FRYL: variants seen among roughly 807,000 people sequenced by gnomAD.
FRYL encodes protein furry homolog-like.
FRYL carries 150 observed loss-of-function variants against 351.2 expected under a neutral mutation model. The ratio of observed to expected loss-of-function variants is 0.43; its 90% CI spans 0.37 to 0.49. The LOEUF is 0.49. FRYL is among the 20% of genes least tolerant of loss of function. The pLI is 0.00. For missense variants in FRYL, 3,036 were observed against 3,619.3 expected (o/e 0.84, Z 4.13); for synonymous variants, 1,153 against 1,257.1 (o/e 0.92, Z 1.75).
chr4:48,717,197 C>T (rs1202718870), intron 1 of FRYL, among the ~76,000 whole-genome samples: 6 of 150,718 alleles, frequency 4.0e-5, no homozygotes, highest in Admixed American at 6.7e-5. Context: ...GGGTGCAGTG[C>T]ACCAGCATGG....
At chr4:48,664,299 C>A (rs1235358553) in intron 3 of FRYL, among the ~76,000 whole-genome samples, 1 of 152,102 alleles carries the variant, frequency 6.6e-6, no homozygotes, top group Admixed American at 6.5e-5. Flanking sequence ...AGGGGACTTG[C>A]AGAGGACACA....
intron 1 of FRYL, among the ~76,000 whole-genome samples, chr4:48,725,572 G>A (rs892984439): frequency 6.6e-6 from 1 of 152,128 alleles, no homozygotes; most frequent in African/African-American, 2.4e-5. Context: ...GAAATGTCAC[G>A]CTGTCCTGCT....
At chr4:48,557,252 A>C (rs1162905657) in intron 34 of FRYL, 134 bp from the exon 35 acceptor site, 8 of 1,228,852 alleles carry the variant, frequency 6.5e-6, no homozygotes, top group African/African-American at 1.5e-5. Flanking sequence ...CAGAAACAAT[A>C]ATTTCTTCCA....
intron 1 of FRYL, among the ~76,000 whole-genome samples, chr4:48,745,744 A>AATG (rs1772604825): frequency 6.6e-6 from 1 of 152,236 alleles, no homozygotes; most frequent in East Asian, 1.9e-4. Context: ...CTAGAACTTA[A>AATG]ATAATAATAA....
chr4:48,671,584 T>C (rs1487743974), intron 3 of FRYL, among the ~76,000 whole-genome samples: 1 of 152,050 alleles, frequency 6.6e-6, no homozygotes, highest in Non-Finnish European at 1.5e-5. Flanking sequence ...GGAGAATCGC[T>C]TGAACCCGGG....
intron 17 of FRYL, among the ~76,000 whole-genome samples, chr4:48,590,103 G>C (rs894366828): frequency 8.5e-5 from 13 of 152,152 alleles, no homozygotes; most frequent in African/African-American, 2.9e-4. Flanking sequence ...TTGAAGAAAG[G>C]ACAGAATGCA....
intron 1 of FRYL, among the ~76,000 whole-genome samples, chr4:48,743,737 C>A (rs1772371272): frequency 6.6e-6 from 1 of 152,150 alleles, no homozygotes; most frequent in East Asian, 1.9e-4. Context: ...GCAGATTACT[C>A]TCCAAAAGGG....
chr4:48,499,830 T>C (rs117996253), intron 63 of FRYL, 150 bp from the exon 64 acceptor site: 12 of 840,472 alleles, frequency 1.4e-5, no homozygotes, highest in African/African-American at 3.4e-5. Flanking sequence ...AAGTACCACC[T>C]GAATTCACTT....
intron 3 of FRYL, among the ~76,000 whole-genome samples, chr4:48,668,386 TAA>T (rs1226517947): frequency 5.7e-5 from 7 of 122,810 alleles, no homozygotes; most frequent in Non-Finnish European, 5.3e-5. Context: ...CTCAAAAAAT[TAA>T]AAAAAAAAAA....
At chr4:48,707,580 C>CAAA (rs1443044540) in intron 2 of FRYL, among the ~76,000 whole-genome samples, 4 of 150,924 alleles carry the variant, frequency 2.7e-5, no homozygotes, top group Non-Finnish European at 5.9e-5. Flanking sequence ...ATAAATAAGA[C>CAAA]AAAAAGTTTA....
At chr4:48,779,706 C>A (rs1776444572) in intron 1 of FRYL, among the ~76,000 whole-genome samples, 2 of 151,794 alleles carry the variant, frequency 1.3e-5, no homozygotes, top group Non-Finnish European at 2.9e-5. Flanking sequence ...GCAGGACGCG[C>A]GAGAAGGCGG....
intron 42 of FRYL, among the ~76,000 whole-genome samples, chr4:48,545,756 A>G (rs915953623): frequency 1.3e-5 from 2 of 152,174 alleles, no homozygotes; most frequent in African/African-American, 4.8e-5. Context: ...TGTCTTGCAA[A>G]GAGTAGACCA....
At chr4:48,505,403 C>A (rs1720684631) in intron 60 of FRYL, 144 bp downstream of exon 60, 36 of 604,252 alleles carry the variant, frequency 6.0e-5, no homozygotes, top group East Asian at 9.6e-5. Flanking sequence ...TGAGCTTTTA[C>A]AAAGATTGTT....
intron 50 of FRYL, among the ~76,000 whole-genome samples, chr4:48,529,177 A>T (rs1261774859): frequency 1.3e-5 from 2 of 152,158 alleles, no homozygotes; most frequent in African/African-American, 2.4e-5. Flanking sequence ...TCATCTTTTA[A>T]TGATGACTCC....
chr4:48,730,496 A>T (rs958423894), intron 1 of FRYL, among the ~76,000 whole-genome samples: 1 of 152,200 alleles, frequency 6.6e-6, no homozygotes, highest in African/African-American at 2.4e-5. Context: ...AGGCTGGGTT[A>T]CCCACAAAAG....
chr4:48,753,543 A>G (rs1773468119), intron 1 of FRYL, among the ~76,000 whole-genome samples: 1 of 152,114 alleles, frequency 6.6e-6, no homozygotes, highest in Non-Finnish European at 1.5e-5. Flanking sequence ...TCTCGGTACA[A>G]GTCCCTTATT....
intron 23 of FRYL, among the ~76,000 whole-genome samples, chr4:48,577,321 GA>G (rs1739836353): frequency 6.6e-6 from 1 of 152,122 alleles, no homozygotes. Context: ...AGAGCAAAAC[GA>G]AAGAGGAAAA....
chr4:48,735,128 AAAAC>A (rs1408229251), intron 1 of FRYL, among the ~76,000 whole-genome samples: 1 of 97,362 alleles, frequency 1.0e-5, no homozygotes, highest in African/African-American at 4.0e-5. Flanking sequence ...TTACAAGAAA[AAAAC>A]AAACAACCCC....
intron 3 of FRYL, among the ~76,000 whole-genome samples, chr4:48,663,814 C>T (rs1233116368): frequency 6.8e-6 from 1 of 147,612 alleles, no homozygotes. Flanking sequence ...CCCTTGTGTC[C>T]TTGGAGAGGT....
Sources: gnomAD v4.1 joint callset for allele counts (sites outside exome capture counted in the v4.1 genomes callset) on GRCh38, gnomAD v4.1.1 for gene constraint, MANE v1.5 for transcripts, NCBI Gene and HGNC (gene_info 2026-07-23, HGNC 2026-07-21) for gene names.